Variants in CRTC1 observed in about 807,000 individuals in gnomAD.
CRTC1 encodes the protein CREB regulated transcription coactivator 1, also known as CREB-regulated transcription coactivator 1.
A neutral mutation model predicts 66.1 loss-of-function variants in CRTC1; 18 were observed. The observed-to-expected ratio is 0.27, with a 90% CI of 0.19 to 0.40. The LOEUF is 0.40. CRTC1 is among the 10% of genes least tolerant of loss of function. CRTC1 has a pLI of 1.00. For synonymous variants in CRTC1, 416 were observed against 398.8 expected, an observed-to-expected ratio of 1.04 and a Z score of -0.51; for missense variants, 669 against 887.9, an observed-to-expected ratio of 0.75 and a Z score of 3.13.
At chr19:18,755,278 T>C (rs1191526817) in intron 6 of CRTC1, among the ~76,000 whole-genome samples, 1 of 151,978 alleles carries the variant, frequency 6.6e-6, no homozygotes, top group African/African-American at 2.4e-5. Context: ...CTCTTTTTTT[T>C]AGAAATAGGG....
At chr19:18,728,794 G>C (rs2053817436) in intron 1 of CRTC1, among the ~76,000 whole-genome samples, 1 of 125,168 alleles carries the variant, frequency 8.0e-6, no homozygotes, top group Non-Finnish European at 1.7e-5. Context: ...GGGATTACAG[G>C]TGTGAGCCAC....
chr19:18,732,705 G>A (rs2145684753), intron 1 of CRTC1, among the ~76,000 whole-genome samples: 2 of 152,280 alleles, frequency 1.3e-5, no homozygotes, highest in South Asian at 4.1e-4. Context: ...GCAGAGGAGG[G>A]CCTTGAGTGC....
chr19:18,766,507 C>T (rs1211614540), intron 9 of CRTC1, among the ~76,000 whole-genome samples: 2 of 151,826 alleles, frequency 1.3e-5, no homozygotes, highest in African/African-American at 2.4e-5. Context: ...AGTGCAGTGG[C>T]GTGATCTTGG....
intron 1 of CRTC1, among the ~76,000 whole-genome samples, chr19:18,713,839 C>T (rs1390809192): frequency 6.6e-6 from 1 of 152,240 alleles, no homozygotes; most frequent in Non-Finnish European, 1.5e-5. Flanking sequence ...AAAGGCCACG[C>T]AGAGGTGGGA....
rs534871352 is a variant in CRTC1, at chr19:18,778,193, C to T, written c.*811C>T. On this transcript the variant is annotated 3_prime_UTR_variant, in exon 14 of 14. Coordinates refer to ENST00000321949, the MANE Select transcript of CRTC1 (RefSeq NM_015321.3). ...GGTTACCTCTTGGGGCTTTACAATC[C>T]GTGGCCCCTCCTGTCCTGCACTGTG... 1.3e-5 allele frequency: 3 copies of T among 232,918 alleles called. No individual in the cohort carries two copies. The highest frequency in any genetic ancestry group is 6.1e-5 in the East Asian group (1 of 16,524). The allele number at this position is 232,918 out of a possible 1,614,324, so 14.4% of individuals were successfully genotyped here. A position where few individuals can be genotyped will look rare whatever the true frequency, so the allele number is the denominator to read the frequency against.
chr19:18,723,216 C>T, intron 1 of CRTC1, among the ~76,000 whole-genome samples: 1 of 152,234 alleles, frequency 6.6e-6, no homozygotes. Flanking sequence ...GCTGGGATTA[C>T]AGGCCTGAGC....
At chr19:18,721,536 C>A (rs1311536434) in intron 1 of CRTC1, among the ~76,000 whole-genome samples, 1 of 149,522 alleles carries the variant, frequency 6.7e-6, no homozygotes, top group Non-Finnish European at 1.5e-5. Flanking sequence ...GCTCTGTCGC[C>A]CAGGCTGGAG....
chr19:18,754,970 ATTTAT>A (rs1439919889), intron 6 of CRTC1, among the ~76,000 whole-genome samples: 2 of 151,174 alleles, frequency 1.3e-5, no homozygotes, highest in African/African-American at 4.8e-5. Context: ...ATTTTATTAT[ATTTAT>A]TTTAATTATT....
intron 1 of CRTC1, among the ~76,000 whole-genome samples, chr19:18,698,045 G>A (rs1302171340): frequency 6.6e-6 from 1 of 151,930 alleles, no homozygotes; most frequent in Non-Finnish European, 1.5e-5. Flanking sequence ...CTCAGCAGGT[G>A]CACGGTGTGT....
chr19:18,781,873 T>A lies in CRTC1; in HGVS notation c.*4491T>A, dbSNP rs1216133856. On this transcript the variant is annotated 3_prime_UTR_variant, in exon 14 of 14. Transcript: ENST00000321949. ...TGTTGGGGTCGGGGGATGGCCCCCA[T>A]CTCGAAGTGTTCTGGAATTTGGGGG... 2 of 230,218 alleles carry A rather than the reference T, an allele frequency of 8.7e-6. No homozygotes were observed. The highest frequency in any genetic ancestry group is 4.4e-5 in the African/African-American group (2 of 45,142). 14.3% of individuals were successfully genotyped at this position (230,218 alleles called of 1,614,324 possible).
Position 18,779,584 on chromosome 19 carries a change from A to G in CRTC1, c.*2202A>G. ...AGCAACCCGCCTGGATGCGGTTTTC[A>G]AAAGAAGGCATTGAGGACCATGCTA... On this transcript the variant is annotated 3_prime_UTR_variant, in exon 14 of 14. Transcript: ENST00000321949. 4.5e-6 allele frequency: 1 copy of G among 220,532 alleles called. No individual in the cohort carries two copies. The highest frequency in any genetic ancestry group is 9.1e-6 in the Non-Finnish European group (1 of 110,120). The allele number at this position is 220,532 out of a possible 1,614,324, so 13.7% of individuals were successfully genotyped here. A position where few individuals can be genotyped will look rare whatever the true frequency, so the allele number is the denominator to read the frequency against.
rs1466032598 is a variant in CRTC1, at chr19:18,760,660, C to G, written c.886+432C>G. On this transcript the variant is annotated intron_variant, in intron 8 of 13. Coordinates refer to ENST00000321949, the MANE Select transcript of CRTC1 (RefSeq NM_015321.3). The surrounding 1 kb of genome is among the most constrained non-coding windows in gnomAD (Gnocchi z 6.2). ...TTGTCACATCCCAGCACCACCACCC[C>G]CACCCGTCTCCAGCTCCACACTCCT... is the stretch of plus-strand genomic sequence containing the variant. Among the ~76,000 whole-genome samples, 1 of 152,038 alleles carries G rather than the reference C, an allele frequency of 6.6e-6. No homozygotes were observed.
intron 1 of CRTC1, among the ~76,000 whole-genome samples, chr19:18,704,732 A>G (rs2053222586): frequency 6.6e-6 from 1 of 152,114 alleles, no homozygotes; most frequent in African/African-American, 2.4e-5. Context: ...CAAAAACAAA[A>G]CAAATACACA....
At chr19:18,685,126 C>CT (rs1159115075) in intron 1 of CRTC1, among the ~76,000 whole-genome samples, 1 of 152,162 alleles carries the variant, frequency 6.6e-6, no homozygotes, top group African/African-American at 2.4e-5. Context: ...TTAGGTAGCA[C>CT]TTTCAGTCTG....
In CRTC1 at chr19:18,742,882, C is replaced by T. The variant is rs1330534545; in HGVS notation, c.127-28C>T. 10 of 1,561,136 alleles carry T rather than the reference C, an allele frequency of 6.4e-6. 1 individual carries two copies. The South Asian group carries it at 8.9e-5, about 14-fold the overall frequency. ...GAGGTGAGCCTGGGAGGTGACCCCTCCCGCAGCTGCTGGCTTCTCTCTCGC... is the reference window on the plus strand; with the variant it reads ...GAGGTGAGCCTGGGAGGTGACCCCTTCCGCAGCTGCTGGCTTCTCTCTCGC... On this transcript the variant is annotated intron_variant, in intron 1 of 13. Coordinates refer to ENST00000321949, the MANE Select transcript of CRTC1 (RefSeq NM_015321.3).
chr19:18,718,342 T>G (rs143351295), intron 1 of CRTC1, among the ~76,000 whole-genome samples: 13 of 152,240 alleles, frequency 8.5e-5, no homozygotes, highest in Non-Finnish European at 1.8e-4. Context: ...CTTCCTTTTT[T>G]GTTGTTCCTC....
intron 1 of CRTC1, among the ~76,000 whole-genome samples, chr19:18,699,951 T>C (rs930417630): frequency 6.6e-6 from 1 of 152,058 alleles, no homozygotes; most frequent in Admixed American, 6.5e-5. Flanking sequence ...TGTGATGACC[T>C]GGGGCTTGGC....
intron 1 of CRTC1, among the ~76,000 whole-genome samples, chr19:18,732,623 AGAT>A (rs1423718122): frequency 6.6e-6 from 1 of 152,160 alleles, no homozygotes; most frequent in African/African-American, 2.4e-5. Context: ...ACTGAGTCCC[AGAT>A]GATGAATGGG....
At chr19:18,746,139 C>T (rs1451455360) in intron 3 of CRTC1, among the ~76,000 whole-genome samples, 179 bp downstream of exon 3, 1 of 152,196 alleles carries the variant, frequency 6.6e-6, no homozygotes, top group Admixed American at 6.5e-5. Context: ...CTGGAGGAGG[C>T]TGTGCCACAA....
Sources: gnomAD v4.1 joint callset for allele counts (sites outside exome capture counted in the v4.1 genomes callset) on GRCh38, gnomAD v4.1.1 for gene constraint, Gnocchi (gnomAD v3.1) non-coding constraint, MANE v1.5 for transcripts, NCBI Gene and HGNC (gene_info 2026-07-23, HGNC 2026-07-21) for gene names.